The following MAGI2 variants were observed in gnomAD, a reference collection of about 807,000 sequenced individuals.
MAGI2 encodes the protein membrane associated guanylate kinase, WW and PDZ domain containing 2.
A neutral mutation model predicts 133.3 loss-of-function variants in MAGI2; 35 were observed. The observed-to-expected ratio is 0.26, with a 90% confidence interval of 0.20 to 0.35. The LOEUF (loss-of-function observed/expected upper bound fraction) is 0.35. Ranked by LOEUF, MAGI2 falls within the 10% of genes least tolerant of loss-of-function variation. The probability of loss-of-function intolerance (pLI) is 1.00; values close to 1 mark genes in which losing one functional copy is unlikely to be tolerated. For synonymous variants in MAGI2, 729 were observed against 710.6 expected (o/e 1.03, Z -0.41); for missense variants, 1,636 against 1,863.4 (o/e 0.88, Z 2.25).
intron 6 of MAGI2, among the ~76,000 whole-genome samples, chr7:78,393,036 A>G (rs1377221873): frequency 5.9e-5 from 9 of 152,206 alleles, no homozygotes; most frequent in Admixed American, 5.9e-4. Flanking sequence ...ATAATAGTAA[A>G]AAAAACGATT....
intron 6 of MAGI2, among the ~76,000 whole-genome samples, chr7:78,421,959 G>GAT (rs1359205396): frequency 6.6e-6 from 1 of 152,130 alleles, no homozygotes; most frequent in African/African-American, 2.4e-5. Flanking sequence ...AGCCAGCAAG[G>GAT]ATATATCAAT....
At chr7:78,998,627 A>G (rs943711700) in intron 2 of MAGI2, among the ~76,000 whole-genome samples, 5 of 152,206 alleles carry the variant, frequency 3.3e-5, no homozygotes, top group African/African-American at 1.2e-4. Context: ...TGGACAAGTG[A>G]TCTGGACATT....
In MAGI2 at chr7:79,449,840, G is replaced by A. The variant is rs148130865; in HGVS notation, c.301+3180C>T. ...AAACAGTTTTAAAAATTGTTTTGCA[G>A]GTATTTAAACAGTGTAGAAACACTG... On this transcript the variant is annotated intron_variant, in intron 1 of 21. Coordinates refer to ENST00000354212, the MANE Select transcript of MAGI2 (RefSeq NM_012301.4). Among the ~76,000 whole-genome samples the A allele has an allele frequency of 1.1e-3, 147 of 131,774 alleles. 1 individual carries two copies. The South Asian group carries it at 0.022, about 20-fold the overall frequency. 86.4% of individuals were successfully genotyped at this position (131,774 alleles called of 152,430 possible).
intron 2 of MAGI2, among the ~76,000 whole-genome samples, chr7:78,826,351 TAAAA>T (rs1212068156): frequency 7.0e-5 from 5 of 71,402 alleles, no homozygotes; most frequent in Admixed American, 3.4e-4. Flanking sequence ...AGACTCCGTC[TAAAA>T]AAAAAAAAAA....
intron 20 of MAGI2, among the ~76,000 whole-genome samples, chr7:78,108,816 A>G (rs1284956082): frequency 6.6e-6 from 1 of 152,092 alleles, no homozygotes; most frequent in Non-Finnish European, 1.5e-5. Flanking sequence ...AAAGGATAAT[A>G]ACAGAGAACT....
chr7:79,357,093 T>C (rs1219473050), intron 1 of MAGI2, among the ~76,000 whole-genome samples: 1 of 152,234 alleles, frequency 6.6e-6, no homozygotes, highest in African/African-American at 2.4e-5. Flanking sequence ...TCCTTCAGTA[T>C]TGGAAATCTG....
chr7:79,312,033 T>G (rs893922537), intron 1 of MAGI2, among the ~76,000 whole-genome samples: 3 of 152,176 alleles, frequency 2.0e-5, no homozygotes, highest in Non-Finnish European at 4.4e-5. Context: ...ACTGGAGTGA[T>G]TCTATTTAAT....
At chr7:78,903,274 A>C (rs1476218969) in intron 2 of MAGI2, among the ~76,000 whole-genome samples, 2 of 131,190 alleles carry the variant, frequency 1.5e-5, no homozygotes, top group African/African-American at 5.7e-5. Flanking sequence ...GCTCACCGCA[A>C]GCTCCGCCTC....
chr7:78,187,164 A>G (rs1333005734), intron 12 of MAGI2, among the ~76,000 whole-genome samples: 2 of 152,160 alleles, frequency 1.3e-5, no homozygotes, highest in Admixed American at 1.3e-4. Flanking sequence ...ACGTCTCTAA[A>G]ACATAAATTC....
At chr7:78,838,944 T>C (rs895671648) in intron 2 of MAGI2, among the ~76,000 whole-genome samples, 2 of 152,126 alleles carry the variant, frequency 1.3e-5, no homozygotes, top group Non-Finnish European at 2.9e-5. Context: ...ATTTAATGAT[T>C]CCAACTATAT....
intron 2 of MAGI2, among the ~76,000 whole-genome samples, chr7:78,712,537 G>T (rs903889228): frequency 6.6e-6 from 1 of 152,142 alleles, no homozygotes; most frequent in African/African-American, 2.4e-5. Context: ...AACTAACCGG[G>T]GAAAGGGAGC....
At chr7:79,138,284 C>T (rs189090643) in intron 1 of MAGI2, among the ~76,000 whole-genome samples, 25 of 152,196 alleles carry the variant, frequency 1.6e-4, no homozygotes, top group Non-Finnish European at 3.2e-4. Flanking sequence ...TGGATGGAAC[C>T]TACAGCTGCC....
intron 1 of MAGI2, among the ~76,000 whole-genome samples, chr7:79,146,878 TCTGCC>T (rs1175603599): frequency 3.9e-5 from 6 of 152,246 alleles, no homozygotes; most frequent in Admixed American, 3.9e-4. Context: ...CCAGTGTAAC[TCTGCC>T]CTGATGGAGT....
At chr7:78,446,928 AC>A (rs1718873798) in intron 6 of MAGI2, among the ~76,000 whole-genome samples, 1 of 152,058 alleles carries the variant, frequency 6.6e-6, no homozygotes, top group Non-Finnish European at 1.5e-5. Context: ...AAACCAATCA[AC>A]TGTGGCCCGT....
At chr7:78,486,848 C>G (rs1025930668) in intron 6 of MAGI2, 1 of 484,820 alleles carries the variant, frequency 2.1e-6, no homozygotes, top group Admixed American at 2.1e-5. Flanking sequence ...AGAAAGACAG[C>G]AAAGATGTAC....
At chr7:78,355,004 A>G (rs1455672751) in intron 7 of MAGI2, among the ~76,000 whole-genome samples, 4 of 152,284 alleles carry the variant, frequency 2.6e-5, no homozygotes, top group Middle Eastern at 3.4e-3. Context: ...AAAGGTGGCA[A>G]TAAGTTGCTT....
At chr7:78,919,056 A>C (rs1013948758) in intron 2 of MAGI2, among the ~76,000 whole-genome samples, 3 of 152,132 alleles carry the variant, frequency 2.0e-5, no homozygotes, top group Admixed American at 1.3e-4. Flanking sequence ...TATTGACTAA[A>C]TTGGACAGGT....
chr7:78,803,366 G>T (rs565754699), intron 2 of MAGI2, among the ~76,000 whole-genome samples: 1 of 152,242 alleles, frequency 6.6e-6, no homozygotes, highest in East Asian at 1.9e-4. Flanking sequence ...TGAAACTCAG[G>T]TGCTAGCAAA....
intron 1 of MAGI2, among the ~76,000 whole-genome samples, chr7:79,170,072 T>TCCA (rs1825362935): frequency 6.7e-6 from 1 of 148,574 alleles, no homozygotes; most frequent in Non-Finnish European, 1.5e-5. Flanking sequence ...TAGTAGGTCA[T>TCCA]CCAACCCACC....
Sources: allele counts gnomAD v4.1 joint callset (sites outside exome capture counted in the v4.1 genomes callset), GRCh38; gene constraint gnomAD v4.1.1; transcripts MANE v1.5; gene names NCBI Gene and HGNC (gene_info 2026-07-23, HGNC 2026-07-21).